PHLDB2: variants seen among roughly 807,000 people sequenced by gnomAD.
PHLDB2 encodes pleckstrin homology-like domain family B member 2.
PHLDB2 carries 71 observed loss-of-function variants against 123.6 expected under a neutral mutation model. The observed-to-expected ratio is 0.57, with a 90% CI of 0.47 to 0.70. PHLDB2 has a LOEUF of 0.70. Among genes scored for constraint, PHLDB2 ranks in the 30% least tolerant of loss-of-function variants. The pLI, the probability that PHLDB2 is intolerant of heterozygous loss-of-function variation, is 0.00. For synonymous variants in PHLDB2, 547 were observed against 541.6 expected (o/e 1.01, Z -0.14); for missense variants, 1,446 against 1,519.5 (o/e 0.95, Z 0.80).
chr3:111,870,720 G>T lies in PHLDB2; in HGVS notation c.-15+11144G>T, dbSNP rs1298106431. Reference sequence around the variant, plus strand: ...ACAGAAATACCCCCACAGAATTCCTGTAAAGAATGGCACTGCTTCTGAAGG... The same window carrying T: ...ACAGAAATACCCCCACAGAATTCCTTTAAAGAATGGCACTGCTTCTGAAGG... On this transcript the variant is annotated intron_variant, in intron 1 of 17. Transcript: ENST00000431670. 7.9e-5 allele frequency among the ~76,000 whole-genome samples: 12 copies of T among 152,200 alleles called. No homozygotes were observed. The East Asian group carries it at 1.4e-3, about 17-fold the overall frequency.
chr3:111,758,005 G>T (rs1217546119), intron 1 of PHLDB2, among the ~76,000 whole-genome samples: 1 of 152,152 alleles, frequency 6.6e-6, no homozygotes, highest in African/African-American at 2.4e-5. Flanking sequence ...GTGTCAGTCT[G>T]CCCCTACTGG....
chr3:111,784,397 CA>C (rs2060601320), intron 1 of PHLDB2, among the ~76,000 whole-genome samples: 1 of 152,104 alleles, frequency 6.6e-6, no homozygotes, highest in African/African-American at 2.4e-5. Context: ...TTTCTTTGAA[CA>C]ACAAAATACC....
At chr3:111,863,610 CT>C (rs1179234596) in intron 1 of PHLDB2, among the ~76,000 whole-genome samples, 2 of 152,204 alleles carry the variant, frequency 1.3e-5, no homozygotes, top group African/African-American at 4.8e-5. Flanking sequence ...TTATCTGAAT[CT>C]TTTCCCTCCA....
Position 111,876,609 on chromosome 3 carries a change from T to C in PHLDB2, c.-14-7455T>C, listed in dbSNP as rs191576425. Reference sequence around the variant, plus strand: ...GTTATACTTTAAGTTCTGGGGTACATGTGCAGAACGTGCAGGTTTGTTACA... The same window carrying C: ...GTTATACTTTAAGTTCTGGGGTACACGTGCAGAACGTGCAGGTTTGTTACA... On this transcript the variant is annotated intron_variant, in intron 1 of 17. Coordinates refer to ENST00000431670, the MANE Select transcript of PHLDB2 (RefSeq NM_001134438.2). Among the ~76,000 whole-genome samples the C allele has an allele frequency of 1.3e-3, 199 of 152,278 alleles. 2 individuals carry two copies. The highest frequency in any genetic ancestry group is 3.2e-4 in the Non-Finnish European group (22 of 68,020).
intron 1 of PHLDB2, among the ~76,000 whole-genome samples, chr3:111,742,889 T>C (rs1172251427): frequency 1.3e-5 from 2 of 152,170 alleles, no homozygotes; most frequent in African/African-American, 2.4e-5. Flanking sequence ...TGCTAAGGGA[T>C]ATAGATTCAG....
chr3:111,777,109 G>A (rs2060280382), intron 1 of PHLDB2, among the ~76,000 whole-genome samples: 1 of 151,768 alleles, frequency 6.6e-6, no homozygotes, highest in Non-Finnish European at 1.5e-5. Context: ...TTTGCTGCAG[G>A]AAGTTCTAAG....
intron 2 of PHLDB2, among the ~76,000 whole-genome samples, chr3:111,907,298 A>G (rs181762283): frequency 1.3e-5 from 2 of 152,318 alleles, no homozygotes; most frequent in East Asian, 3.9e-4. Context: ...ACTATAGGGA[A>G]AGGATACAGA....
intron 2 of PHLDB2, among the ~76,000 whole-genome samples, chr3:111,893,821 C>T (rs1008289589): frequency 2.7e-5 from 4 of 147,470 alleles, no homozygotes; most frequent in Admixed American, 6.8e-5. Context: ...AGTAGATTGA[C>T]GATGCTACCC....
intron 1 of PHLDB2, among the ~76,000 whole-genome samples, chr3:111,840,296 GC>G (rs1009613596): frequency 1.3e-5 from 2 of 151,858 alleles, no homozygotes; most frequent in Non-Finnish European, 2.9e-5. Context: ...ATTTTAAAAA[GC>G]CTTTTCCCCA....
intron 1 of PHLDB2, among the ~76,000 whole-genome samples, chr3:111,758,797 T>G (rs2059945457): frequency 6.6e-6 from 1 of 152,140 alleles, no homozygotes; most frequent in South Asian, 2.1e-4. Flanking sequence ...TAATATAGCT[T>G]GAAGAACCCA....
At chr3:111,896,653 C>T (rs1333317654) in intron 2 of PHLDB2, among the ~76,000 whole-genome samples, 4 of 151,668 alleles carry the variant, frequency 2.6e-5, no homozygotes, top group South Asian at 2.1e-4. Context: ...GTCCAGGCTG[C>T]GCTGGCTAAT....
intron 5 of PHLDB2, among the ~76,000 whole-genome samples, chr3:111,921,378 G>A (rs989872223): frequency 6.6e-6 from 1 of 152,180 alleles, no homozygotes; most frequent in Non-Finnish European, 1.5e-5. Flanking sequence ...GTGGTAATGT[G>A]TAGAAAGAAT....
At chr3:111,963,391 G>A (rs1389493870) in intron 13 of PHLDB2, among the ~76,000 whole-genome samples, 1 of 152,224 alleles carries the variant, frequency 6.6e-6, no homozygotes, top group Non-Finnish European at 1.5e-5. Flanking sequence ...ATAAGTATCT[G>A]TGTAGGTAGT....
intron 1 of PHLDB2, among the ~76,000 whole-genome samples, chr3:111,882,915 C>T (rs894389573): frequency 1.3e-5 from 2 of 152,170 alleles, no homozygotes; most frequent in African/African-American, 2.4e-5. Flanking sequence ...AAATACTAGA[C>T]ATAACCTCTT....
intron 6 of PHLDB2, among the ~76,000 whole-genome samples, chr3:111,937,782 A>G (rs2069591826): frequency 6.6e-6 from 1 of 151,546 alleles, no homozygotes; most frequent in Non-Finnish European, 1.5e-5. Flanking sequence ...CTTCTAAAAA[A>G]AAAAATTAAA....
intron 2 of PHLDB2, among the ~76,000 whole-genome samples, chr3:111,850,006 C>T (rs1172467308): frequency 1.3e-5 from 2 of 152,012 alleles, no homozygotes; most frequent in African/African-American, 2.4e-5. Context: ...GGACTACAGG[C>T]GCCCACCACC....
chr3:111,732,711 ATC>A (rs1491451726), intron 1 of PHLDB2: 1 of 1,532,106 alleles, frequency 6.5e-7, no homozygotes, highest in East Asian at 2.4e-5. Context: ...AAGGTAGGTG[ATC>A]TCTCTGGTCA....
intron 1 of PHLDB2, among the ~76,000 whole-genome samples, chr3:111,761,915 A>G (rs1043133325): frequency 1.3e-5 from 2 of 152,168 alleles, no homozygotes; most frequent in African/African-American, 4.8e-5. Context: ...TATACATAAG[A>G]AGAATTACAG....
At position 111,826,363 on chromosome 3, in the gene PHLDB2, C is replaced by T. The variant is rs77365552; in HGVS notation, c.-48-19458C>T. 4.6e-5 allele frequency among the ~76,000 whole-genome samples: 7 copies of T among 152,124 alleles called. No homozygotes were observed. The East Asian group carries it at 1.3e-3, about 29-fold the overall frequency. On this transcript the variant is annotated intron_variant, in intron 1 of 17. Transcript: ENST00000393923. ...TTTTAAATAAGACCTTGAAAATATACCAATCAAGTAAAATTGCTTCAATAG... is the reference window on the plus strand; with the variant it reads ...TTTTAAATAAGACCTTGAAAATATATCAATCAAGTAAAATTGCTTCAATAG...
Sources: allele counts gnomAD v4.1 joint callset (sites outside exome capture counted in the v4.1 genomes callset), GRCh38; gene constraint gnomAD v4.1.1; transcripts MANE v1.5; gene names NCBI Gene and HGNC (gene_info 2026-07-23, HGNC 2026-07-21).